CYP7B1: variants seen among roughly 807,000 people sequenced by gnomAD.
The protein encoded by CYP7B1 is cytochrome P450 family 7 subfamily B member 1.
In CYP7B1, 29 loss-of-function variants were observed where a neutral mutation model predicts 42.7. That is an observed-to-expected ratio of 0.68 (90% confidence interval 0.51 to 0.93). CYP7B1 has a LOEUF of 0.93. Among genes scored for constraint, CYP7B1 ranks in the 40% least tolerant of loss-of-function variants. The pLI is 0.00. For synonymous variants in CYP7B1, 235 were observed against 218.2 expected (o/e 1.08, Z -0.68); for missense variants, 655 against 600.5 (o/e 1.09, Z -0.95).
chr8:64,710,570 A>T (rs1807065440), intron 1 of CYP7B1, among the ~76,000 whole-genome samples: 1 of 152,144 alleles, frequency 6.6e-6, no homozygotes, highest in Non-Finnish European at 1.5e-5. Flanking sequence ...CCTTGGAAAT[A>T]ATCTTTCTTT....
At position 64,735,793 on chromosome 8, in the gene CYP7B1, C is replaced by A. The variant is rs182762171; in HGVS notation, c.122+62673G>T. On this transcript the variant is annotated intron_variant, in intron 1 of 5. Coordinates refer to ENST00000310193, the MANE Select transcript of CYP7B1 (RefSeq NM_004820.5). ...TTGCTGTGGAGCCTGCAGATGGGAT[C>A]CTGGGAAAACTGGAAAAGGGTAAGA... is the stretch of plus-strand genomic sequence containing the variant. Among the ~76,000 whole-genome samples the A allele has an allele frequency of 4.4e-3, 675 of 152,106 alleles. 3 individuals are homozygous for A. The highest frequency in any genetic ancestry group is 7.3e-3 in the Non-Finnish European group (497 of 68,002).
chr8:64,645,997 T>C (rs948424926), intron 1 of CYP7B1, among the ~76,000 whole-genome samples: 32 of 152,330 alleles, frequency 2.1e-4, no homozygotes, highest in African/African-American at 7.5e-4. Context: ...GCCAGCCATA[T>C]GTAGAAAGCT....
At chr8:64,766,962 G>T (rs1158623213) in intron 1 of CYP7B1, among the ~76,000 whole-genome samples, 1 of 152,064 alleles carries the variant, frequency 6.6e-6, no homozygotes, top group African/African-American at 2.4e-5. Context: ...CTATCCGAGG[G>T]GTCCTAGGAC....
At chr8:64,793,654 C>A (rs985650739) in intron 1 of CYP7B1, among the ~76,000 whole-genome samples, 2 of 152,024 alleles carry the variant, frequency 1.3e-5, no homozygotes, top group African/African-American at 4.8e-5. Flanking sequence ...AAGGACTACC[C>A]ATAAGGCTGG....
chr8:64,694,931 C>T (rs1806801296), intron 1 of CYP7B1, among the ~76,000 whole-genome samples: 1 of 152,156 alleles, frequency 6.6e-6, no homozygotes, highest in Non-Finnish European at 1.5e-5. Context: ...CCGTTCTGTC[C>T]TGACTTCTGA....
chr8:64,756,176 C>CT (rs959282722), intron 1 of CYP7B1, among the ~76,000 whole-genome samples: 15 of 152,168 alleles, frequency 9.9e-5, no homozygotes, highest in Non-Finnish European at 1.2e-4. Flanking sequence ...ATTTCCCCCC[C>CT]TCTAGTCCTT....
intron 1 of CYP7B1, among the ~76,000 whole-genome samples, chr8:64,646,078 C>T (rs2129631094): frequency 6.6e-6 from 1 of 152,246 alleles, no homozygotes; most frequent in South Asian, 2.1e-4. Flanking sequence ...AAACGTTAGA[C>T]CTAAAACCAC....
At chr8:64,653,731 A>G (rs575590156) in intron 1 of CYP7B1, among the ~76,000 whole-genome samples, 72 of 152,358 alleles carry the variant, frequency 4.7e-4, no homozygotes, top group African/African-American at 1.7e-3. Context: ...CTTGATGAAC[A>G]TCGATGCAAA....
chr8:64,658,530 A>C (rs1806155026), intron 1 of CYP7B1, among the ~76,000 whole-genome samples: 1 of 152,150 alleles, frequency 6.6e-6, no homozygotes, highest in African/African-American at 2.4e-5. Context: ...TTAGTGACTC[A>C]TCACACCCTT....
chr8:64,787,643 T>C (rs756405937), intron 1 of CYP7B1, among the ~76,000 whole-genome samples: 24 of 152,216 alleles, frequency 1.6e-4, no homozygotes, highest in Non-Finnish European at 3.5e-4. Flanking sequence ...TTTCTGAGCC[T>C]TCCAAACTGT....
intron 1 of CYP7B1, among the ~76,000 whole-genome samples, chr8:64,645,126 T>C (rs1017823589): frequency 6.6e-6 from 1 of 151,238 alleles, no homozygotes; most frequent in Non-Finnish European, 1.5e-5. Flanking sequence ...TTCCATGGTG[T>C]ATATGTGCCA....
rs138103952 is a variant in CYP7B1, at chr8:64,608,113, A to G, written c.1058-3256T>C. 3.9e-5 allele frequency among the ~76,000 whole-genome samples: 6 copies of G among 152,322 alleles called. No individual in the cohort carries two copies. The East Asian group carries it at 1.2e-3, about 29-fold the overall frequency. On this transcript the variant is annotated intron_variant, in intron 4 of 5. Transcript: ENST00000310193. The stretch of plus-strand genomic sequence containing the variant: ...GACTTCTTTCTCTTTTCAGGATACA[A>G]AATTATTTTGATTAAGTATCCCTTC...
At chr8:64,701,629 T>C (rs964652845) in intron 1 of CYP7B1, among the ~76,000 whole-genome samples, 1 of 152,062 alleles carries the variant, frequency 6.6e-6, no homozygotes, top group African/African-American at 2.4e-5. Context: ...ATTGTAGGTA[T>C]AGATAGTCTC....
chr8:64,685,944 C>T (rs1274556473), intron 1 of CYP7B1, among the ~76,000 whole-genome samples: 1 of 33,820 alleles, frequency 3.0e-5, no homozygotes, highest in Non-Finnish European at 5.9e-5. Flanking sequence ...GCCCCCCGCC[C>T]GGCCAGCCGC....
At chr8:64,670,113 ACTGT>A (rs1252434901) in intron 1 of CYP7B1, among the ~76,000 whole-genome samples, 1 of 152,180 alleles carries the variant, frequency 6.6e-6, no homozygotes, top group Non-Finnish European at 1.5e-5. Flanking sequence ...CTCAGAGAAC[ACTGT>A]CTGTTGTCTG....
chr8:64,750,972 G>T (rs1160765145), intron 1 of CYP7B1, among the ~76,000 whole-genome samples: 3 of 152,098 alleles, frequency 2.0e-5, no homozygotes, highest in African/African-American at 7.2e-5. Flanking sequence ...CACGCCAACT[G>T]CTGGATCTTC....
intron 1 of CYP7B1, among the ~76,000 whole-genome samples, chr8:64,657,768 A>G (rs1003743914): frequency 4.6e-5 from 7 of 152,220 alleles, no homozygotes; most frequent in Non-Finnish European, 1.0e-4. Flanking sequence ...AGACTTTCCT[A>G]CTAGTATATA....
chr8:64,739,420 A>G (rs1365851440), intron 1 of CYP7B1, among the ~76,000 whole-genome samples: 1 of 152,226 alleles, frequency 6.6e-6, no homozygotes, highest in Non-Finnish European at 1.5e-5. Flanking sequence ...CAAAAACGAG[A>G]ACACTAGAGG....
intron 1 of CYP7B1, among the ~76,000 whole-genome samples, chr8:64,758,468 G>A (rs1214299269): frequency 1.3e-5 from 2 of 151,964 alleles, no homozygotes; most frequent in African/African-American, 2.4e-5. Context: ...TCTGAGCTTC[G>A]GTTTTCTCAT....
Sources: gnomAD v4.1 joint callset for allele counts (sites outside exome capture counted in the v4.1 genomes callset) on GRCh38, gnomAD v4.1.1 for gene constraint, MANE v1.5 for transcripts, NCBI Gene and HGNC (gene_info 2026-07-23, HGNC 2026-07-21) for gene names.